The following PARG variants were observed in gnomAD, a reference collection of about 807,000 sequenced individuals.
PARG encodes poly(ADP-ribose) glycohydrolase.
Under a neutral mutation model 113.0 loss-of-function variants are expected in PARG, and 35 were observed. The observed-to-expected ratio is 0.31, with a 90% CI of 0.24 to 0.41. The LOEUF is 0.41. PARG is among the 10% of genes least tolerant of loss of function. The pLI is 1.00. For synonymous variants in PARG, 330 were observed against 409.9 expected (o/e 0.81, Z 2.36); for missense variants, 797 against 1,169.4 (o/e 0.68, Z 4.64).
chr10:49,923,244 C>T (rs1325741324), intron 4 of PARG, among the ~76,000 whole-genome samples: 1 of 152,124 alleles, frequency 6.6e-6, no homozygotes, highest in African/African-American at 2.4e-5. Context: ...ACCTTCATAG[C>T]TCTGCCAGAT....
rs1554839053 is a variant in PARG, at chr10:49,879,724, T to C, written c.1937A>G (p.Asn646Ser). The stretch of plus-strand genomic sequence containing the variant: ...AGAATACTCCGATTTCATCTTAGCA[T>C]TTCGTCGTGGAAATGTGCAGAAGAA... Reference protein sequence around the residue: ...NAFFCTFPRRNAKMKSEYSSY... With the variant: ...NAFFCTFPRRSAKMKSEYSSY... Residue 646 changes from asparagine (N) to serine (S), a missense_variant, in exon 9 of 18, where the codon AAT (asparagine) becomes AGT (serine). This residue lies in a region of PARG where 252 missense variants were observed against 437.4 expected (regional missense o/e 0.58). Transcript: ENST00000616448. 1 of 1,581,466 alleles carries C rather than the reference T, an allele frequency of 6.3e-7. No individual in the cohort carries two copies.
chr10:49,909,986 T>G (rs1481790377), intron 7 of PARG: 1 of 150,930 alleles, frequency 6.6e-6, no homozygotes, highest in East Asian at 1.9e-4. Context: ...TTTGTGCTCT[T>G]GGAAAAAAAA....
intron 10 of PARG, among the ~76,000 whole-genome samples, chr10:49,868,791 C>A (rs1846647796): frequency 6.6e-6 from 1 of 151,280 alleles, no homozygotes; most frequent in African/African-American, 2.4e-5. Context: ...CTATAACTAC[C>A]CTGTAAGGTA....
At position 49,866,739 on chromosome 10, in the gene PARG, G is replaced by C. The variant is rs529190207; in HGVS notation, c.2069-1358C>G. Among the ~76,000 whole-genome samples, 35 of 152,166 alleles carry C rather than the reference G, an allele frequency of 2.3e-4. No homozygotes were observed. In the East Asian group the frequency reaches 6.4e-3, roughly 28 times the overall value. The stretch of plus-strand genomic sequence containing the variant: ...AGAGCACGTCTGTTAGCATTTTTTC[G>C]TAACAAGGCAACTTTCATCTCAGAA... On this transcript the variant is annotated intron_variant, in intron 10 of 17. Transcript: ENST00000616448.
intron 7 of PARG, among the ~76,000 whole-genome samples, chr10:49,905,107 C>G (rs1419838581): frequency 1.3e-5 from 2 of 152,262 alleles, no homozygotes; most frequent in African/African-American, 4.8e-5. Context: ...TGGAATAAGA[C>G]GAGCTTTTCC....
chr10:49,829,702 T>A (rs1204056096), intron 16 of PARG, among the ~76,000 whole-genome samples: 2 of 152,188 alleles, frequency 1.3e-5, no homozygotes, highest in Non-Finnish European at 2.9e-5. Flanking sequence ...ACAACCATAG[T>A]TAATCCTGGC....
At chr10:49,846,719 G>A (rs749232272) in intron 13 of PARG, among the ~76,000 whole-genome samples, 17 of 151,484 alleles carry the variant, frequency 1.1e-4, no homozygotes, top group Non-Finnish European at 2.4e-4. Context: ...AAGAATGGGA[G>A]GTATCAATAT....
intron 16 of PARG, among the ~76,000 whole-genome samples, chr10:49,826,309 C>T (rs1234815031): frequency 2.0e-5 from 3 of 152,152 alleles, no homozygotes; most frequent in Non-Finnish European, 4.4e-5. Context: ...GAGGAGGAGC[C>T]TGTGGTAGAC....
intron 16 of PARG, among the ~76,000 whole-genome samples, chr10:49,823,967 C>T (rs1844230958): frequency 6.6e-6 from 1 of 152,160 alleles, no homozygotes; most frequent in Non-Finnish European, 1.5e-5. Context: ...ACGTGTTAGA[C>T]TAGTTAGGAC....
chr10:49,940,963 A>T (rs1232561075), intron 1 of PARG, among the ~76,000 whole-genome samples: 9 of 152,236 alleles, frequency 5.9e-5, no homozygotes, highest in South Asian at 2.1e-4. Context: ...ACAATCTGTC[A>T]TTCATCTATC....
chr10:49,824,616 T>C (rs1554829159), intron 16 of PARG, among the ~76,000 whole-genome samples: 1 of 152,146 alleles, frequency 6.6e-6, no homozygotes. Context: ...GGTAAGATGA[T>C]TGATACTCAC....
rs909317424 is a variant in PARG, at chr10:49,818,765, C to G, written c.*575G>C. 3 of 152,104 alleles carry G rather than the reference C, an allele frequency of 2.0e-5. No individual in the cohort carries two copies. Among genetic ancestry groups the G allele is most frequent in the African/African-American group, 7.2e-5 (3 of 41,418 alleles). The allele number at this position is 152,104 out of a possible 1,614,324, so 9.4% of individuals were successfully genotyped here. A position where few individuals can be genotyped will look rare whatever the true frequency, so the allele number is the denominator to read the frequency against. On this transcript the variant is annotated 3_prime_UTR_variant, in exon 18 of 18. Coordinates refer to ENST00000616448, the MANE Select transcript of PARG (RefSeq NM_003631.5). ...AAAAGTACAATTTCTGGAAATTATT[C>G]TATCTTAAATAAAGAAACTATTTTA...
chr10:49,842,957 CAAACA>C (rs1176653897), intron 14 of PARG, among the ~76,000 whole-genome samples: 1 of 152,102 alleles, frequency 6.6e-6, no homozygotes, highest in Non-Finnish European at 1.5e-5. Flanking sequence ...CATCAAATAA[CAAACA>C]AAACAAAACA....
At chr10:49,835,929 C>T (rs1483072955) in intron 15 of PARG, among the ~76,000 whole-genome samples, 1 of 152,126 alleles carries the variant, frequency 6.6e-6, no homozygotes, top group Non-Finnish European at 1.5e-5. Context: ...GACACAAATA[C>T]CTACCGTTGC....
At chr10:49,923,267 TA>T (rs782681744) in intron 4 of PARG, among the ~76,000 whole-genome samples, 5 of 152,204 alleles carry the variant, frequency 3.3e-5, no homozygotes, top group Non-Finnish European at 5.9e-5. Flanking sequence ...TCATTATCTT[TA>T]TGAAGTCTTT....
chr10:49,821,483 G>A (rs941383189), intron 16 of PARG, among the ~76,000 whole-genome samples: 3 of 152,050 alleles, frequency 2.0e-5, no homozygotes, highest in Admixed American at 6.6e-5. Flanking sequence ...GGGTTCAAGC[G>A]ATTCTCCTGC....
chr10:49,888,764 G>A (rs1847622200), intron 7 of PARG, among the ~76,000 whole-genome samples: 1 of 152,030 alleles, frequency 6.6e-6, no homozygotes, highest in Admixed American at 6.6e-5. Flanking sequence ...TATGACTTTT[G>A]TCAAATTTTG....
At chr10:49,887,474 C>T (rs560542715) in intron 7 of PARG, among the ~76,000 whole-genome samples, 22 of 151,608 alleles carry the variant, frequency 1.5e-4, no homozygotes, top group Non-Finnish European at 2.5e-4. Flanking sequence ...TCCTTCCTCT[C>T]GCTATTCCTA....
chr10:49,915,726 T>C (rs1588983966), intron 7 of PARG, among the ~76,000 whole-genome samples, 191 bp downstream of exon 7: 1 of 152,234 alleles, frequency 6.6e-6, no homozygotes, highest in Non-Finnish European at 1.5e-5. Flanking sequence ...AAAATGTGTA[T>C]TCTAAGAGAT....
Sources: allele counts gnomAD v4.1 joint callset (sites outside exome capture counted in the v4.1 genomes callset), GRCh38; gene constraint gnomAD v4.1.1; regional missense constraint gnomAD v4.1.1; transcripts MANE v1.5; gene names NCBI Gene and HGNC (gene_info 2026-07-23, HGNC 2026-07-21).